The following MRPL3 variants were observed in gnomAD, a reference collection of about 807,000 sequenced individuals.
The protein encoded by MRPL3 is mitochondrial ribosomal protein L3.
MRPL3 carries 43 observed loss-of-function variants against 44.3 expected under a neutral mutation model. The observed-to-expected ratio is 0.97, with a 90% CI of 0.76 to 1.25. The LOEUF (loss-of-function observed/expected upper bound fraction) is 1.25, where lower values mean the gene tolerates loss of function less well. Among genes scored for constraint, MRPL3 ranks in the 50% most tolerant of loss-of-function variants. The pLI, the probability that MRPL3 is intolerant of heterozygous loss-of-function variation, is 0.00. For synonymous variants in MRPL3, 171 were observed against 152.3 expected, an observed-to-expected ratio of 1.12 and a Z score of -0.91; for missense variants, 406 against 427.6, an observed-to-expected ratio of 0.95 and a Z score of 0.45.
chr3:131,481,626 T>C (rs1933988955), intron 6 of MRPL3, among the ~76,000 whole-genome samples: 1 of 152,198 alleles, frequency 6.6e-6, no homozygotes. Context: ...CATGCTGCTT[T>C]GTAAATAAGG....
At chr3:131,484,059 C>T (rs950940874) in intron 6 of MRPL3, among the ~76,000 whole-genome samples, 1 of 152,006 alleles carries the variant, frequency 6.6e-6, no homozygotes, top group African/African-American at 2.4e-5. Context: ...GTAATAAATA[C>T]TCACTTTTAT....
chr3:131,472,249 T>C (rs2110697137), intron 6 of MRPL3, among the ~76,000 whole-genome samples: 1 of 152,302 alleles, frequency 6.6e-6, no homozygotes, highest in East Asian at 1.9e-4. Context: ...AGGATCTTCA[T>C]CTCAGGGTTG....
chr3:131,487,413 C>T (rs545031338), intron 6 of MRPL3: 33 of 317,582 alleles, frequency 1.0e-4, no homozygotes, highest in East Asian at 1.0e-3. Flanking sequence ...CAAACCTGCA[C>T]GTTGTGCACA....
rs1050712642 is a variant in MRPL3 at position 131,473,543 on chromosome 3, C to A, written c.630-2264G>T. On this transcript the variant is annotated intron_variant, in intron 6 of 9. Transcript: ENST00000264995. ...AGCACAGGCAACAAAAGAAAAGACA[C>A]ATTACATCAAACTCAAAAGCTTTTT... Among the ~76,000 whole-genome samples the A allele has an allele frequency of 6.3e-4, 96 of 151,778 alleles. 2 individuals carry two copies. Among genetic ancestry groups the A allele is most frequent in the Admixed American group, 6.3e-3 (96 of 15,214 alleles).
intron 4 of MRPL3, among the ~76,000 whole-genome samples, chr3:131,496,901 C>T (rs1934381820): frequency 6.6e-6 from 1 of 152,232 alleles, no homozygotes; most frequent in South Asian, 2.1e-4. Flanking sequence ...TCACCACCCT[C>T]CCAACACTGG....
chr3:131,467,348 A>C (rs959204500), intron 9 of MRPL3, among the ~76,000 whole-genome samples: 1 of 152,148 alleles, frequency 6.6e-6, no homozygotes, highest in Non-Finnish European at 1.5e-5. Flanking sequence ...TTGGAAGGAC[A>C]GAGATATACT....
chr3:131,485,847 A>T (rs1934105687), intron 6 of MRPL3, among the ~76,000 whole-genome samples: 1 of 152,218 alleles, frequency 6.6e-6, no homozygotes, highest in South Asian at 2.1e-4. Context: ...GCACTCCCCC[A>T]GTTTCTTTTG....
At chr3:131,482,725 G>A (rs1006191323) in intron 6 of MRPL3, among the ~76,000 whole-genome samples, 2 of 151,984 alleles carry the variant, frequency 1.3e-5, no homozygotes, top group African/African-American at 2.4e-5. Flanking sequence ...AACATTTTAA[G>A]TACCTGAAGT....
At chr3:131,470,330 G>A (rs570178884) in intron 7 of MRPL3, among the ~76,000 whole-genome samples, 61 of 152,176 alleles carry the variant, frequency 4.0e-4, no homozygotes, top group African/African-American at 1.4e-3. Flanking sequence ...CTCTGATAAC[G>A]GGTAATAGTT....
chr3:131,466,971 C>G (rs1440799725), intron 9 of MRPL3, among the ~76,000 whole-genome samples: 1 of 152,052 alleles, frequency 6.6e-6, no homozygotes, highest in Non-Finnish European at 1.5e-5. Flanking sequence ...TGCTTGTAGA[C>G]CACCTCCGCC....
chr3:131,468,746 A>G (rs1340788182), intron 8 of MRPL3, among the ~76,000 whole-genome samples: 1 of 152,136 alleles, frequency 6.6e-6, no homozygotes, highest in Non-Finnish European at 1.5e-5. Flanking sequence ...GAAATCACAC[A>G]CACGAAGAAA....
Position 131,500,537 on chromosome 3 carries a change from A to G in MRPL3, c.278-16T>C. Reference sequence around the variant, plus strand: ...CTAAAGGAACCTGGCAATTAAAACCAAAGCAATGTGAACAAAAGCTTTTGC... The same window carrying G: ...CTAAAGGAACCTGGCAATTAAAACCGAAGCAATGTGAACAAAAGCTTTTGC... On this transcript the variant is annotated splice_polypyrimidine_tract_variant and intron_variant, in intron 2 of 9. Coordinates refer to ENST00000264995, the MANE Select transcript of MRPL3 (RefSeq NM_007208.4). The G allele has an allele frequency of 6.2e-7, 1 of 1,603,890 alleles. No individual in the cohort carries two copies. The highest frequency in any genetic ancestry group is 8.5e-7 in the Non-Finnish European group (1 of 1,171,664).
At chr3:131,474,646 T>C (rs1933812573) in intron 6 of MRPL3, among the ~76,000 whole-genome samples, 1 of 152,156 alleles carries the variant, frequency 6.6e-6, no homozygotes, top group Admixed American at 6.6e-5. Flanking sequence ...CATCAACTTG[T>C]ACCCCATAAA....
rs1934466572 is a variant in MRPL3 at position 131,500,340 on chromosome 3, G to A, written c.369+90C>T. The A allele has an allele frequency of 4.9e-6, 5 of 1,023,092 alleles. No individual in the cohort carries two copies. In the Admixed American group the frequency reaches 8.9e-5, roughly 18 times the overall value. 63.4% of individuals were successfully genotyped at this position (1,023,092 alleles called of 1,614,324 possible). On this transcript the variant is annotated intron_variant, in intron 3 of 9. Transcript: ENST00000264995. ...CCCTTTCTTCACCATACAGTTCCATGTTTCAGGACACAAATAGTTCTTGTT... is the reference window on the plus strand; with the variant it reads ...CCCTTTCTTCACCATACAGTTCCATATTTCAGGACACAAATAGTTCTTGTT...
At chr3:131,469,675 A>T in intron 8 of MRPL3, 21 bp downstream of exon 8, 1 of 1,566,136 alleles carries the variant, frequency 6.4e-7, no homozygotes, top group Non-Finnish European at 8.7e-7. Flanking sequence ...GTTCCTAAAA[A>T]GAACCACTTG....
intron 7 of MRPL3, among the ~76,000 whole-genome samples, chr3:131,470,663 T>C (rs1200038191): frequency 6.6e-6 from 1 of 152,040 alleles, no homozygotes; most frequent in African/African-American, 2.4e-5. Context: ...CTACATTTTT[T>C]CCTTGTGTGC....
chr3:131,474,731 T>C (rs1309192358), intron 6 of MRPL3, among the ~76,000 whole-genome samples: 2 of 151,758 alleles, frequency 1.3e-5, no homozygotes, highest in African/African-American at 2.4e-5. Context: ...ATAAAAAGAC[T>C]GGAAAAAATT....
At chr3:131,471,065 T>C in intron 7 of MRPL3, 106 bp downstream of exon 7, 2 of 755,254 alleles carry the variant, frequency 2.6e-6, no homozygotes, top group Non-Finnish European at 4.6e-6. Context: ...GGAGTCCCCT[T>C]GTGTCAGACT....
intron 7 of MRPL3, among the ~76,000 whole-genome samples, chr3:131,470,829 A>G (rs1559814496): frequency 1.3e-5 from 2 of 152,140 alleles, no homozygotes; most frequent in South Asian, 2.1e-4. Context: ...TTACTTATCT[A>G]CTCAATCCTA....
Sources: allele counts gnomAD v4.1 joint callset (sites outside exome capture counted in the v4.1 genomes callset), GRCh38; gene constraint gnomAD v4.1.1; transcripts MANE v1.5; gene names NCBI Gene and HGNC (gene_info 2026-07-23, HGNC 2026-07-21).